PCNX4: variants seen among roughly 807,000 people sequenced by gnomAD.
The protein encoded by PCNX4 is pecanex 4.
PCNX4 carries 103 observed loss-of-function variants against 107.2 expected under a neutral mutation model. The observed-to-expected ratio is 0.96, with a 90% CI of 0.82 to 1.13. The LOEUF (loss-of-function observed/expected upper bound fraction) is 1.13, where lower values mean the gene tolerates loss of function less well. Among genes scored for constraint, PCNX4 ranks in the 50% most tolerant of loss-of-function variants. The pLI, the probability that PCNX4 is intolerant of heterozygous loss-of-function variation, is 0.00. For synonymous variants in PCNX4, 541 were observed against 481.7 expected, an observed-to-expected ratio of 1.12 and a Z score of -1.61; for missense variants, 1,528 against 1,379.4, an observed-to-expected ratio of 1.11 and a Z score of -1.71.
intron 1 of PCNX4, among the ~76,000 whole-genome samples, chr14:60,101,725 C>T (rs1895536367): frequency 6.6e-6 from 1 of 152,068 alleles, no homozygotes; most frequent in Non-Finnish European, 1.5e-5. Context: ...AAAGAGCTAC[C>T]ATATGATCTA....
intron 8 of PCNX4, among the ~76,000 whole-genome samples, chr14:60,122,440 A>G (rs780435247): frequency 5.3e-5 from 8 of 151,898 alleles, no homozygotes; most frequent in Non-Finnish European, 1.2e-4. Flanking sequence ...CCCTCTGCCT[A>G]AAACACTCTA....
Position 60,137,459 on chromosome 14 carries a change from C to G in PCNX4, c.*3238C>G, listed in dbSNP as rs1896253074. 1 of 152,228 alleles carries G rather than the reference C, an allele frequency of 6.6e-6. No individual in the cohort carries two copies. The highest frequency in any genetic ancestry group is 2.4e-5 in the African/African-American group (1 of 41,446). The allele number at this position is 152,228 out of a possible 1,614,324, so 9.4% of individuals were successfully genotyped here. On this transcript the variant is annotated 3_prime_UTR_variant, in exon 11 of 11. Transcript: ENST00000406854. The stretch of plus-strand genomic sequence containing the variant: ...TTCCCAAAACTGGATTCAGGTGACC[C>G]TTTGCTGCAGCCGCTACCCAGAGCA...
At chr14:60,107,090 AT>A (rs1895643542) in intron 1 of PCNX4, among the ~76,000 whole-genome samples, 1 of 152,226 alleles carries the variant, frequency 6.6e-6, no homozygotes, top group African/African-American at 2.4e-5. Context: ...TTTTAAAAAA[AT>A]AAAAAACAAG....
chr14:60,118,180 A>G, intron 6 of PCNX4, 149 bp from the exon 7 acceptor site: 1 of 1,243,088 alleles, frequency 8.0e-7, no homozygotes. Context: ...AGGTTGGAGA[A>G]AATTAACAAA....
intron 1 of PCNX4, among the ~76,000 whole-genome samples, chr14:60,100,725 A>T (rs575207362): frequency 6.6e-6 from 1 of 152,248 alleles, no homozygotes; most frequent in Non-Finnish European, 1.5e-5. Flanking sequence ...CAAATCATAA[A>T]TTCTCATCAG....
At chr14:60,092,730 C>T (rs1323247811) in intron 1 of PCNX4, among the ~76,000 whole-genome samples, 1 of 152,164 alleles carries the variant, frequency 6.6e-6, no homozygotes, top group African/African-American at 2.4e-5. Context: ...TTAGGTAGAA[C>T]TGTACTCTCG....
At position 60,115,377 on chromosome 14, in the gene PCNX4, G is replaced by A; in HGVS notation, c.1273G>A (p.Asp425Asn). ...GIFRNPFYPK[D>N]VQTVTVFFEK... ...TTTCCGAAATCCCTTTTATCCGAAG[G>A]ATGTGCAAACTGTGACTGTATTCTT... is the stretch of plus-strand genomic sequence containing the variant. Residue 425 changes from aspartate to asparagine, a missense_variant, in exon 4 of 11, where the codon GAT becomes AAT. Transcript: ENST00000406854. 1 of 1,597,312 alleles carries A rather than the reference G, an allele frequency of 6.3e-7. No individual in the cohort carries two copies. Among genetic ancestry groups the A allele is most frequent in the Non-Finnish European group, 8.5e-7 (1 of 1,172,124 alleles).
rs1001930536 is a variant in PCNX4 at position 60,124,776 on chromosome 14, A to G, written c.2605A>G (p.Thr869Ala). The G allele has an allele frequency of 6.8e-6, 11 of 1,613,348 alleles. No individual in the cohort carries two copies. The highest frequency in any genetic ancestry group is 9.3e-6 in the Non-Finnish European group (11 of 1,179,780). Residue 869 changes from threonine to alanine, a missense_variant, in exon 9 of 11, where the codon ACT becomes GCT. Transcript: ENST00000406854. ...GAGGGTTGGTGATCATTCTACAGGC[A>G]CTGTTCCTGAAAACGATCTTTACAA... ...SQRVGDHSTG[T>A]VPENDLYKAV...
At chr14:60,132,210 G>T (rs2054250075) in intron 10 of PCNX4, among the ~76,000 whole-genome samples, 1 of 152,162 alleles carries the variant, frequency 6.6e-6, no homozygotes, top group African/African-American at 2.4e-5. Flanking sequence ...AGTAACTCCA[G>T]TCTCTGTCTC....
chr14:60,146,507 A>G lies in PCNX4; in HGVS notation c.*12286A>G, dbSNP rs1339202510. The stretch of plus-strand genomic sequence containing the variant: ...TCAAAAAATTAAAAATAGAATTACC[A>G]TCTGATCCAGCAATTCCACTTAAGG... On this transcript the variant is annotated 3_prime_UTR_variant, in exon 11 of 11. Coordinates refer to ENST00000406854, the MANE Select transcript of PCNX4 (RefSeq NM_001330177.2). This position sits in a 1 kb window ranked among gnomAD's most constrained non-coding sequence, Gnocchi z 4.9. 6.6e-6 allele frequency: 1 copy of G among 152,240 alleles called. No individual in the cohort carries two copies. The highest frequency in any genetic ancestry group is 1.5e-5 in the Non-Finnish European group (1 of 68,042). The allele number at this position is 152,240 out of a possible 1,614,324, so 9.4% of individuals were successfully genotyped here.
At chr14:60,110,541 T>C (rs1405674687) in intron 2 of PCNX4, 3 of 167,134 alleles carry the variant, frequency 1.8e-5, no homozygotes, top group Non-Finnish European at 2.9e-5. Flanking sequence ...TTCCTTGGGA[T>C]CATCACCCTT....
intron 2 of PCNX4, among the ~76,000 whole-genome samples, chr14:60,111,873 T>A (rs61995301): frequency 6.6e-6 from 1 of 152,160 alleles, no homozygotes; most frequent in Non-Finnish European, 1.5e-5. Context: ...ATGACTAGTT[T>A]ATCCAGAAAA....
In PCNX4 at chr14:60,138,129, T is replaced by C. The variant is rs1305145276; in HGVS notation, c.*3908T>C. On this transcript the variant is annotated 3_prime_UTR_variant, in exon 11 of 11. Transcript: ENST00000406854. ...AAAAAAAAGGATTCAGTGAATAGAT[T>C]TGATAGAAAGTGCATACAGTGAAGT... The C allele has an allele frequency of 6.6e-6, 1 of 150,650 alleles. No homozygotes were observed. The highest frequency in any genetic ancestry group is 6.6e-5 in the Admixed American group (1 of 15,096). The allele number at this position is 150,650 out of a possible 1,614,324, so 9.3% of individuals were successfully genotyped here. A position where few individuals can be genotyped will look rare whatever the true frequency, so the allele number is the denominator to read the frequency against.
At chr14:60,104,964 T>C (rs1895603227) in intron 1 of PCNX4, among the ~76,000 whole-genome samples, 1 of 152,182 alleles carries the variant, frequency 6.6e-6, no homozygotes. Flanking sequence ...GTAGGTTGAG[T>C]ATCCTTTATT....
intron 1 of PCNX4, among the ~76,000 whole-genome samples, chr14:60,098,926 G>T (rs578213522): frequency 6.7e-6 from 1 of 149,598 alleles, no homozygotes; most frequent in Admixed American, 6.7e-5. Flanking sequence ...CAACAACAGC[G>T]AAACTCCGTC....
intron 2 of PCNX4, among the ~76,000 whole-genome samples, chr14:60,112,125 A>G (rs1477947047): frequency 6.6e-6 from 1 of 152,302 alleles, no homozygotes; most frequent in African/African-American, 2.4e-5. Context: ...TTGTATAATA[A>G]TACTTTTAAA....
At chr14:60,119,335 A>G (rs1383600353) in intron 7 of PCNX4, among the ~76,000 whole-genome samples, 1 of 152,150 alleles carries the variant, frequency 6.6e-6, no homozygotes, top group East Asian at 1.9e-4. Context: ...TGTACTTCTC[A>G]AGGTTGGTTT....
At chr14:60,104,760 GA>G (rs1895599702) in intron 1 of PCNX4, among the ~76,000 whole-genome samples, 2 of 152,096 alleles carry the variant, frequency 1.3e-5, no homozygotes, top group Non-Finnish European at 2.9e-5. Flanking sequence ...CAGTATGGGG[GA>G]AACCACCCCC....
In PCNX4 at chr14:60,124,737, T is replaced by G. The variant is rs771546141; in HGVS notation, c.2566T>G (p.Ser856Ala). ...AGGTACAAATTTGTTTATTCCAGGA[T>G]CAGTAGAATCACAGAGGGTTGGTGA... ...LPGTNLFIPG[S>A]VESQRVGDHS... The change falls in exon 9 of 11, where the codon TCA becomes GCA. Residue 856 changes from serine (S) to alanine (A), a missense_variant. Transcript: ENST00000406854. 2.5e-5 allele frequency: 41 copies of G among 1,613,022 alleles called. No homozygotes were observed. The highest frequency in any genetic ancestry group is 3.3e-5 in the Admixed American group (2 of 59,998).
Sources: allele counts gnomAD v4.1 joint callset (sites outside exome capture counted in the v4.1 genomes callset), GRCh38; gene constraint gnomAD v4.1.1; non-coding constraint Gnocchi (gnomAD v3.1); transcripts MANE v1.5; gene names NCBI Gene and HGNC (gene_info 2026-07-23, HGNC 2026-07-21).